Variants in ZNF267 observed in about 807,000 individuals in gnomAD.
ZNF267 encodes the protein zinc finger (C2H2).
Under a neutral mutation model 71.6 loss-of-function variants are expected in ZNF267, and 61 were observed. That is an observed-to-expected ratio of 0.85 (90% CI 0.69 to 1.05). The LOEUF is 1.05. ZNF267 is among the 50% of genes least tolerant of loss of function. The pLI, the probability that ZNF267 is intolerant of heterozygous loss-of-function variation, is 0.00. For missense variants in ZNF267, 852 were observed against 870.0 expected (o/e 0.98, Z 0.26); for synonymous variants, 288 against 293.2 (o/e 0.98, Z 0.18).
Position 31,915,599 on chromosome 16 carries a change from C to G in ZNF267, c.1350C>G (p.Cys450Trp), listed in dbSNP as rs1226787586. The G allele has an allele frequency of 6.2e-7, 1 of 1,613,452 alleles. No homozygotes were observed. The highest frequency in any genetic ancestry group is 1.3e-5 in the African/African-American group (1 of 74,874). The change falls in exon 4 of 4, where the codon TGC becomes TGG. Residue 450 changes from cysteine (C) to tryptophan (W), a missense_variant. Transcript: ENST00000300870. ...ECGKAFNRSS[C>W]LTQHQTTHTG... ...GAAAAGCTTTTAACCGTAGTTCATG[C>G]CTTACTCAACATCAGACAACTCATA...
rs1274051294 is a variant in ZNF267, at chr16:31,894,873, G to A, written c.226+9617G>A. On this transcript the variant is annotated intron_variant, in intron 3 of 3. Coordinates refer to ENST00000300870, the MANE Select transcript of ZNF267 (RefSeq NM_003414.6). ...TGGAGTGTTGAGCTGTCTCTGCAAGGAATCTCTTTCATGACCAACCTCGTG... is the reference window on the plus strand; with the variant it reads ...TGGAGTGTTGAGCTGTCTCTGCAAGAAATCTCTTTCATGACCAACCTCGTG... 7.4e-6 allele frequency: 3 copies of A among 406,410 alleles called. No homozygotes were observed. The Admixed American group carries it at 9.3e-5, about 13-fold the overall frequency. The allele number at this position is 406,410 out of a possible 1,614,324, so 25.2% of individuals were successfully genotyped here.
At position 31,916,587 on chromosome 16, in the gene ZNF267, A is replaced by G; in HGVS notation, c.*106A>G. 9.1e-7 allele frequency: 1 copy of G among 1,102,190 alleles called. No homozygotes were observed. Among genetic ancestry groups the G allele is most frequent in the Non-Finnish European group, 1.3e-6 (1 of 786,896 alleles). The allele number at this position is 1,102,190 out of a possible 1,614,324, so 68.3% of individuals were successfully genotyped here. On this transcript the variant is annotated 3_prime_UTR_variant, in exon 4 of 4. Transcript: ENST00000300870. ...CTACAAATGTTAAGAATGTGGCATA[A>G]CCTTTAACTATTTTCAAGCCTTACA...
chr16:31,878,424 C>G (rs2083867135), intron 1 of ZNF267, among the ~76,000 whole-genome samples: 1 of 152,304 alleles, frequency 6.6e-6, no homozygotes, highest in East Asian at 1.9e-4. Context: ...ATGTCCCCGT[C>G]CATCCCAGGA....
chr16:31,885,822 AT>A (rs1410021916), intron 3 of ZNF267, among the ~76,000 whole-genome samples: 1 of 152,212 alleles, frequency 6.6e-6, no homozygotes, highest in African/African-American at 2.4e-5. Context: ...ATCTAATCTT[AT>A]GTTTCACTTC....
chr16:31,915,333 A>C lies in ZNF267; in HGVS notation c.1084A>C (p.Asn362His), dbSNP rs745955943. 6.2e-7 allele frequency: 1 copy of C among 1,613,852 alleles called. No individual in the cohort carries two copies. Residue 362 changes from asparagine (N) to histidine (H), a missense_variant, in exon 4 of 4, where the codon AAC (asparagine) becomes CAC (histidine). By Grantham distance (68) the Asn-to-His change is moderately conservative. Coordinates refer to ENST00000300870, the MANE Select transcript of ZNF267 (RefSeq NM_003414.6). ...AGAATGTGGCAAGGTCTTTAACCTTAACTGTAGTTTATACCTTACTAAACA... is the reference window on the plus strand; with the variant it reads ...AGAATGTGGCAAGGTCTTTAACCTTCACTGTAGTTTATACCTTACTAAACA... ...WKECGKVFNL[N>H]CSLYLTKQQQ... is the part of the protein sequence containing the mutation.
At chr16:31,887,872 T>C (rs2083934640) in intron 3 of ZNF267, among the ~76,000 whole-genome samples, 1 of 152,178 alleles carries the variant, frequency 6.6e-6, no homozygotes, top group African/African-American at 2.4e-5. Context: ...TTATTTGTGA[T>C]TCCATTGAAG....
chr16:31,915,493 A>G lies in ZNF267; in HGVS notation c.1244A>G (p.Lys415Arg). 3 of 1,613,738 alleles carry G rather than the reference A, an allele frequency of 1.9e-6. No homozygotes were observed. The highest frequency in any genetic ancestry group is 2.5e-6 in the Non-Finnish European group (3 of 1,179,882). Residue 415 changes from lysine to arginine, a missense_variant, in exon 4 of 4, where the codon AAA (lysine) becomes AGA (arginine). Transcript: ENST00000300870. Reference sequence around the variant, plus strand: ...CCATACAAATGTAAAGAATGTGGCAAAGCCTTTCGCTGTAGTTCATACCTT... The same window carrying G: ...CCATACAAATGTAAAGAATGTGGCAGAGCCTTTCGCTGTAGTTCATACCTT... Reference protein sequence around the residue: ...EKPYKCKECGKAFRCSSYLTK... With the variant: ...EKPYKCKECGRAFRCSSYLTK...
rs1427840479 is a variant in ZNF267, at chr16:31,901,414, C to T, written c.227-13062C>T. Among the ~76,000 whole-genome samples the T allele has an allele frequency of 4.6e-5, 7 of 152,322 alleles. No homozygotes were observed. The South Asian group carries it at 1.4e-3, about 32-fold the overall frequency. ...ATGGTTGAACTAGTTTACAGTCCCA[C>T]CAACAGTGTAAAAGTGTTCCTATTT... On this transcript the variant is annotated intron_variant, in intron 3 of 3. Coordinates refer to ENST00000300870, the MANE Select transcript of ZNF267 (RefSeq NM_003414.6).
chr16:31,905,938 A>G (rs1019772189), intron 3 of ZNF267, among the ~76,000 whole-genome samples: 1 of 151,960 alleles, frequency 6.6e-6, no homozygotes, highest in Non-Finnish European at 1.5e-5. Flanking sequence ...GTCTTTGATG[A>G]TGGTGACGTA....
Position 31,915,308 on chromosome 16 carries a change from A to G in ZNF267, c.1059A>G (p.Lys353=). Residue 353 remains lysine, a synonymous_variant, in exon 4 of 4, where the codon AAA becomes AAG. Coordinates refer to ENST00000300870, the MANE Select transcript of ZNF267 (RefSeq NM_003414.6). ...CCGAAGAGAAACCCTGTAAATGGAA[A>G]GAATGTGGCAAGGTCTTTAACCTTA... ...IPTEEKPCKW[K]ECGKVFNLNC... is the part of the protein sequence containing the mutation. 1.2e-6 allele frequency: 2 copies of G among 1,613,986 alleles called. No individual in the cohort carries two copies. The highest frequency in any genetic ancestry group is 1.7e-6 in the Non-Finnish European group (2 of 1,179,930).
At chr16:31,882,361 A>G (rs1440386660) in intron 1 of ZNF267, among the ~76,000 whole-genome samples, 2 of 152,170 alleles carry the variant, frequency 1.3e-5, no homozygotes, top group African/African-American at 4.8e-5. Context: ...AACGAAAAGT[A>G]TTTTTGTTGT....
chr16:31,888,699 GT>G (rs1222628369), intron 3 of ZNF267, among the ~76,000 whole-genome samples: 3 of 151,482 alleles, frequency 2.0e-5, no homozygotes, highest in Admixed American at 1.3e-4. Context: ...CTTTTAATGT[GT>G]TTTTGAATTT....
chr16:31,877,506 C>G (rs1177537738), intron 1 of ZNF267, among the ~76,000 whole-genome samples: 1 of 152,138 alleles, frequency 6.6e-6, no homozygotes, highest in Non-Finnish European at 1.5e-5. Flanking sequence ...TGATGTCAGC[C>G]TGTTCTTAGG....
At chr16:31,904,442 C>G (rs568612141) in intron 3 of ZNF267, among the ~76,000 whole-genome samples, 1 of 152,144 alleles carries the variant, frequency 6.6e-6, no homozygotes, top group Non-Finnish European at 1.5e-5. Flanking sequence ...TAGGACACTA[C>G]GGACTTGCTT....
In ZNF267 at chr16:31,903,230, A is replaced by T. The variant is rs573101464; in HGVS notation, c.227-11246A>T. ...ATTTTTGCATCAATGTTCATCAAGG[A>T]TATTGGTCTAAAATTCTCTTTTTTT... On this transcript the variant is annotated intron_variant, in intron 3 of 3. Transcript: ENST00000300870. 2.0e-5 allele frequency among the ~76,000 whole-genome samples: 3 copies of T among 152,236 alleles called. No homozygotes were observed. The South Asian group carries it at 6.2e-4, about 32-fold the overall frequency.
At chr16:31,888,603 G>C (rs778413714) in intron 3 of ZNF267, among the ~76,000 whole-genome samples, 7 of 151,902 alleles carry the variant, frequency 4.6e-5, no homozygotes, top group Non-Finnish European at 8.8e-5. Context: ...TCATCTTTTT[G>C]TTATTGTGGT....
chr16:31,912,966 A>G (rs1477227407), intron 3 of ZNF267: 1 of 152,154 alleles, frequency 6.6e-6, no homozygotes, highest in Non-Finnish European at 1.5e-5. Context: ...CATCTGTCTG[A>G]AAAGTTACTT....
At position 31,880,785 on chromosome 16, in the gene ZNF267, A is replaced by T. The variant is rs73526481; in HGVS notation, c.4-3713A>T. ...GCTCCAGTTTTCTAATGTGTGGGTG[A>T]AATACAAGGAGGAGTTCTGGAGACT... On this transcript the variant is annotated intron_variant, in intron 1 of 3. Coordinates refer to ENST00000300870, the MANE Select transcript of ZNF267 (RefSeq NM_003414.6). Among the ~76,000 whole-genome samples, 1,153 of 152,308 alleles carry T rather than the reference A, an allele frequency of 7.6e-3. 14 individuals carry two copies. Among genetic ancestry groups the T allele is most frequent in the African/African-American group, 0.027 (1,105 of 41,562 alleles).
chr16:31,909,462 T>C (rs1488437806), intron 3 of ZNF267, among the ~76,000 whole-genome samples: 1 of 152,174 alleles, frequency 6.6e-6, no homozygotes, highest in Admixed American at 6.5e-5. Flanking sequence ...ATTCATGTTT[T>C]ATAGTTTTCA....
Sources: gnomAD v4.1 joint callset for allele counts (sites outside exome capture counted in the v4.1 genomes callset) on GRCh38, gnomAD v4.1.1 for gene constraint, MANE v1.5 for transcripts, NCBI Gene and HGNC (gene_info 2026-07-23, HGNC 2026-07-21) for gene names.